The following BNC2 variants were observed in gnomAD, a reference collection of about 807,000 sequenced individuals.
BNC2 encodes basonuclin zinc finger protein 2.
A neutral mutation model predicts 76.3 loss-of-function variants in BNC2; 20 were observed. The observed-to-expected ratio is 0.26, with a 90% confidence interval of 0.18 to 0.38. BNC2 has a LOEUF of 0.38. Ranked by LOEUF, BNC2 falls within the 10% of genes least tolerant of loss-of-function variation. The pLI is 1.00. For missense variants in BNC2, 1,382 were observed against 1,399.8 expected (o/e 0.99, Z 0.20); for synonymous variants, 582 against 514.8 (o/e 1.13, Z -1.77).
chr9:16,649,665 T>C lies in BNC2; in HGVS notation c.331-66580A>G, dbSNP rs150309537. Among the ~76,000 whole-genome samples the C allele has an allele frequency of 1.7e-3, 266 of 152,330 alleles. 1 individual carries two copies. The highest frequency in any genetic ancestry group is 6.0e-3 in the African/African-American group (250 of 41,568). On this transcript the variant is annotated intron_variant, in intron 3 of 6. Transcript: ENST00000380672. Reference sequence around the variant, plus strand: ...CTTTTAATCTTAAAATCTTATTTTATGTTCAAGTGGCACAATCTATAAGAG... The same window carrying C: ...CTTTTAATCTTAAAATCTTATTTTACGTTCAAGTGGCACAATCTATAAGAG...
chr9:16,430,049 C>G (rs572056069), intron 6 of BNC2: 1 of 478,726 alleles, frequency 2.1e-6, no homozygotes, highest in East Asian at 6.0e-5. Flanking sequence ...ATCTTACTAC[C>G]AAAGTTTTGC....
chr9:16,836,365 T>A (rs1040510247), intron 1 of BNC2, among the ~76,000 whole-genome samples: 2 of 152,126 alleles, frequency 1.3e-5, no homozygotes, highest in Non-Finnish European at 1.5e-5. Flanking sequence ...CGAATGCATA[T>A]ATAAAGTAGA....
chr9:16,831,190 C>G (rs1037928145), intron 1 of BNC2, among the ~76,000 whole-genome samples: 3 of 152,204 alleles, frequency 2.0e-5, no homozygotes, highest in Non-Finnish European at 2.9e-5. Flanking sequence ...TTATTCCAGT[C>G]TAATCTACCT....
chr9:16,604,100 C>G (rs879350236), intron 3 of BNC2, among the ~76,000 whole-genome samples: 7 of 152,098 alleles, frequency 4.6e-5, no homozygotes, highest in Non-Finnish European at 7.4e-5. Context: ...ATGTTCAATT[C>G]TCTTCGTATT....
chr9:16,543,013 C>T (rs1170179893), intron 5 of BNC2, among the ~76,000 whole-genome samples: 1 of 152,080 alleles, frequency 6.6e-6, no homozygotes, highest in Non-Finnish European at 1.5e-5. Context: ...CTGTACAAGT[C>T]CCCCTCATCT....
intron 5 of BNC2, among the ~76,000 whole-genome samples, chr9:16,523,830 G>A (rs1199260307): frequency 6.6e-6 from 1 of 152,132 alleles, no homozygotes; most frequent in Non-Finnish European, 1.5e-5. Context: ...GGAGGCTGAG[G>A]CAGGAGAATC....
chr9:16,638,606 A>AC (rs1417463372), intron 3 of BNC2, among the ~76,000 whole-genome samples: 1 of 152,018 alleles, frequency 6.6e-6, no homozygotes, highest in Non-Finnish European at 1.5e-5. Context: ...TACCTGTAAA[A>AC]CCCTTACATA....
chr9:16,752,167 G>C (rs1435069963), intron 1 of BNC2, among the ~76,000 whole-genome samples: 1 of 149,106 alleles, frequency 6.7e-6, no homozygotes, highest in East Asian at 2.0e-4. Context: ...AGATAAACTG[G>C]GTTTACATTT....
intron 1 of BNC2, among the ~76,000 whole-genome samples, chr9:16,782,361 C>T (rs183714778): frequency 2.0e-5 from 3 of 151,888 alleles, no homozygotes; most frequent in Admixed American, 6.6e-5. Context: ...GTATTTCTAT[C>T]GGGGTAAGAA....
At chr9:16,798,303 G>A (rs1817703353) in intron 1 of BNC2, among the ~76,000 whole-genome samples, 2 of 152,150 alleles carry the variant, frequency 1.3e-5, no homozygotes, top group Admixed American at 1.3e-4. Flanking sequence ...TTTGGCTCTA[G>A]GCTGTGAACT....
intron 1 of BNC2, among the ~76,000 whole-genome samples, chr9:16,855,851 T>A (rs997281163): frequency 2.6e-5 from 4 of 152,042 alleles, no homozygotes; most frequent in African/African-American, 9.7e-5. Context: ...CCCGGCCACA[T>A]CTTTTTTATT....
intron 1 of BNC2, among the ~76,000 whole-genome samples, chr9:16,821,275 G>C (rs1260783981): frequency 6.6e-6 from 1 of 151,496 alleles, no homozygotes; most frequent in East Asian, 1.9e-4. Context: ...GGAGGAAATA[G>C]AATGATAAAG....
At chr9:16,661,035 T>A (rs1822096278) in intron 3 of BNC2, among the ~76,000 whole-genome samples, 1 of 152,172 alleles carries the variant, frequency 6.6e-6, no homozygotes, top group Non-Finnish European at 1.5e-5. Context: ...CTAAATATTC[T>A]AAAGTGTATA....
chr9:16,632,295 C>T (rs1370117575), intron 3 of BNC2, among the ~76,000 whole-genome samples: 2 of 152,110 alleles, frequency 1.3e-5, no homozygotes, highest in Non-Finnish European at 2.9e-5. Context: ...CTTGCTCCTC[C>T]TCTGTCCCTC....
chr9:16,665,470 G>GAAATAAAT (rs1167622473), intron 3 of BNC2, among the ~76,000 whole-genome samples: 1 of 143,094 alleles, frequency 7.0e-6, no homozygotes, highest in African/African-American at 2.6e-5. Context: ...AAGAAAGAAA[G>GAAATAAAT]AAAGAAAGAA....
chr9:16,573,362 T>C (rs184777019), intron 4 of BNC2, among the ~76,000 whole-genome samples: 74 of 152,226 alleles, frequency 4.9e-4, no homozygotes, highest in Non-Finnish European at 4.4e-5. Context: ...ATCAAAAATA[T>C]ATGGAAGAAC....
intron 3 of BNC2, among the ~76,000 whole-genome samples, chr9:16,587,618 A>G (rs1216825408): frequency 6.6e-6 from 1 of 151,964 alleles, no homozygotes; most frequent in Admixed American, 6.6e-5. Context: ...CACACGGTTG[A>G]TTGCTATTTG....
intron 5 of BNC2, among the ~76,000 whole-genome samples, chr9:16,462,636 G>A (rs1346571089): frequency 6.6e-6 from 1 of 152,190 alleles, no homozygotes; most frequent in African/African-American, 2.4e-5. Context: ...ACTTTATCAA[G>A]TTTCTTCCAG....
intron 5 of BNC2, among the ~76,000 whole-genome samples, chr9:16,533,761 A>G: frequency 6.6e-6 from 1 of 152,216 alleles, no homozygotes; most frequent in East Asian, 1.9e-4. Context: ...GCACAATGTA[A>G]CTAAATAGCA....
Sources: gnomAD v4.1 joint callset for allele counts (sites outside exome capture counted in the v4.1 genomes callset) on GRCh38, gnomAD v4.1.1 for gene constraint, MANE v1.5 for transcripts, NCBI Gene and HGNC (gene_info 2026-07-23, HGNC 2026-07-21) for gene names.